UNC13B: variants seen among roughly 807,000 people sequenced by gnomAD.
The protein encoded by UNC13B is protein unc-13 homolog B.
A neutral mutation model predicts 211.0 loss-of-function variants in UNC13B; 144 were observed. That is an observed-to-expected ratio of 0.68 (90% CI 0.60 to 0.78). The LOEUF (loss-of-function observed/expected upper bound fraction) is 0.78, where lower values mean the gene tolerates loss of function less well. Ranked by LOEUF, UNC13B falls within the 30% of genes least tolerant of loss-of-function variation. The probability of loss-of-function intolerance (pLI) is 0.00; values close to 1 mark genes in which losing one functional copy is unlikely to be tolerated. For synonymous variants in UNC13B, 709 were observed against 725.8 expected (o/e 0.98, Z 0.37); for missense variants, 1,777 against 2,002.0 (o/e 0.89, Z 2.14).
In UNC13B at chr9:35,404,090, G is replaced by A; in HGVS notation, c.*57G>A. The A allele has an allele frequency of 6.3e-7, 1 of 1,575,474 alleles. No individual in the cohort carries two copies. Among genetic ancestry groups the A allele is most frequent in the East Asian group, 2.2e-5 (1 of 44,456 alleles). ...AGCAATTTCACAAATCAGGGCCAGT[G>A]GGAGTTAGCTGTGTAACCGGCTTAG... On this transcript the variant is annotated 3_prime_UTR_variant, in exon 40 of 40. Transcript: ENST00000635942.
At position 35,380,586 on chromosome 9, in the gene UNC13B, C is replaced by T. The variant is rs781082830; in HGVS notation, c.10322C>T (p.Thr3441Ile). ...GAGTCTGATGATTTCCTTGGCCAAACCATCATTGAGGTTCGGACCCTAAGT... is the reference window on the plus strand; with the variant it reads ...GAGTCTGATGATTTCCTTGGCCAAATCATCATTGAGGTTCGGACCCTAAGT... ...KRESDDFLGQ[T>I]IIEVRTLSGE... The change falls in exon 18 of 40, where the codon ACC (threonine) becomes ATC (isoleucine). Residue 3441 changes from threonine (T) to isoleucine (I), a missense_variant. By Grantham distance (89) the Thr-to-Ile change is moderately conservative. Coordinates refer to ENST00000635942, the MANE Select transcript of UNC13B (RefSeq NM_001371189.2). The T allele has an allele frequency of 6.2e-7, 1 of 1,614,166 alleles. No individual in the cohort carries two copies. The highest frequency in any genetic ancestry group is 8.5e-7 in the Non-Finnish European group (1 of 1,180,036).
chr9:35,354,297 C>T (rs1832894459), intron 11 of UNC13B, among the ~76,000 whole-genome samples: 1 of 152,142 alleles, frequency 6.6e-6, no homozygotes, highest in Admixed American at 6.5e-5. Context: ...GATAAGATTG[C>T]CATTTCCCCA....
At chr9:35,295,487 A>T (rs551164648) in intron 7 of UNC13B, among the ~76,000 whole-genome samples, 3 of 152,296 alleles carry the variant, frequency 2.0e-5, no homozygotes, top group Admixed American at 6.5e-5. Context: ...TAAACTAAGT[A>T]TATATCTCAT....
At chr9:35,242,697 A>G (rs1388594967) in intron 5 of UNC13B, among the ~76,000 whole-genome samples, 2 of 152,180 alleles carry the variant, frequency 1.3e-5, no homozygotes, top group Non-Finnish European at 2.9e-5. Context: ...ATTAGTGGAC[A>G]CTTGGGTTGC....
intron 1 of UNC13B, among the ~76,000 whole-genome samples, chr9:35,208,152 G>C (rs964459642): frequency 4.6e-5 from 7 of 152,140 alleles, no homozygotes; most frequent in African/African-American, 1.7e-4. Context: ...CCCCTTTCTG[G>C]AACGATACCT....
intron 11 of UNC13B, among the ~76,000 whole-genome samples, chr9:35,323,569 C>A (rs1587619912): frequency 6.6e-6 from 1 of 152,326 alleles, no homozygotes; most frequent in East Asian, 1.9e-4. Flanking sequence ...CCTCTGAATG[C>A]TGTGAGACAA....
intron 1 of UNC13B, among the ~76,000 whole-genome samples, chr9:35,164,589 A>G (rs1314364889): frequency 6.6e-6 from 1 of 152,206 alleles, no homozygotes; most frequent in Admixed American, 6.5e-5. Context: ...TATTGCCTGC[A>G]GGTTTAAGGC....
chr9:35,228,954 T>C (rs571448807), intron 2 of UNC13B, among the ~76,000 whole-genome samples: 22 of 152,266 alleles, frequency 1.4e-4, no homozygotes, highest in African/African-American at 5.1e-4. Flanking sequence ...AGAAGTAGAA[T>C]TGCTGGGTCA....
chr9:35,283,244 T>C (rs981107928), intron 7 of UNC13B, among the ~76,000 whole-genome samples: 9 of 152,214 alleles, frequency 5.9e-5, no homozygotes, highest in Admixed American at 1.3e-4. Context: ...GTATACCCAT[T>C]GTTCATAGGT....
rs950540925 is a variant in UNC13B, at chr9:35,377,664, C to T, written c.10032C>T (p.Thr3344=). ...TGAAGCAGAGTGTACTGGATGGCAC[C>T]TCCAAATGGTCAGCCAAGATCACCA... ...KTVKQSVLDG[T]SKWSAKITIT... Residue 3344 remains threonine (T), a synonymous_variant, in exon 16 of 40, where the codon ACC becomes ACT. Transcript: ENST00000635942. 1 of 1,614,156 alleles carries T rather than the reference C, an allele frequency of 6.2e-7. No individual in the cohort carries two copies. Among genetic ancestry groups the T allele is most frequent in the Non-Finnish European group, 8.5e-7 (1 of 1,180,030 alleles).
chr9:35,162,302 C>G lies in UNC13B; in HGVS notation c.19C>G (p.Arg7Gly). MSLLCV[R>G]VKRAKFQGSP... Reference sequence around the variant, plus strand: ...CTCGGCCATGTCACTGCTCTGCGTGCGCGGTGAGTGCGCGGACTGAGGCGG... The same window carrying G: ...CTCGGCCATGTCACTGCTCTGCGTGGGCGGTGAGTGCGCGGACTGAGGCGG... Residue 7 changes from arginine to glycine, a missense_variant, in exon 1 of 40, where the codon CGC becomes GGC. Arg to Gly is a moderately radical substitution (Grantham distance 125, BLOSUM62 -2). Coordinates refer to ENST00000635942, the MANE Select transcript of UNC13B (RefSeq NM_001371189.2). 1.3e-6 allele frequency: 2 copies of G among 1,543,270 alleles called. No individual in the cohort carries two copies. Among genetic ancestry groups the G allele is most frequent in the South Asian group, 1.2e-5 (1 of 84,330 alleles).
chr9:35,162,390 A>C, intron 1 of UNC13B, 85 bp downstream of exon 1: 3 of 1,440,604 alleles, frequency 2.1e-6, no homozygotes, highest in Non-Finnish European at 2.7e-6. Context: ...TGACCGTCTC[A>C]CCCAAACTTT....
rs35077779 is a variant in UNC13B at position 35,250,957 on chromosome 9, CTTTTTTTT to C, written c.468+7609_468+7616del. Among the ~76,000 whole-genome samples, 24 of 77,082 alleles carry C rather than the reference CTTTTTTTT, an allele frequency of 3.1e-4. No individual in the cohort carries two copies. The South Asian group carries it at 0.012, about 38-fold the overall frequency. The allele number at this position is 77,082 out of a possible 152,430, so 50.6% of individuals were successfully genotyped here. A position where few individuals can be genotyped will look rare whatever the true frequency, so the allele number is the denominator to read the frequency against. On this transcript the variant is annotated intron_variant, in intron 6 of 39. Coordinates refer to ENST00000635942, the MANE Select transcript of UNC13B (RefSeq NM_001371189.2). ...ATGAAAAAATGTAGAGTTACTCTTC[CTTTTTTTT>C]TTTTTTTTTTTTTTTGAGAAGGAAT... is the stretch of plus-strand genomic sequence containing the variant.
chr9:35,343,791 C>T (rs962104226), intron 11 of UNC13B, among the ~76,000 whole-genome samples: 1 of 151,860 alleles, frequency 6.6e-6, no homozygotes, highest in Non-Finnish European at 1.5e-5. Context: ...CCACATGTGA[C>T]TGCTGAGTAC....
chr9:35,351,636 G>A, intron 11 of UNC13B: 1 of 1,232,252 alleles, frequency 8.1e-7, no homozygotes, highest in Non-Finnish European at 1.0e-6. Context: ...GGCACCAAGA[G>A]CAAATCCTCT....
intron 7 of UNC13B, among the ~76,000 whole-genome samples, chr9:35,278,474 C>T (rs1828297610): frequency 2.0e-5 from 3 of 152,170 alleles, no homozygotes; most frequent in Non-Finnish European, 4.4e-5. Context: ...GATTGCATGA[C>T]CAGCTGGCCT....
rs538143848 is a variant in UNC13B, at chr9:35,206,530, A to G, written c.23-21485A>G. 4.5e-4 allele frequency among the ~76,000 whole-genome samples: 69 copies of G among 152,230 alleles called. 1 individual carries two copies. The South Asian group carries it at 0.014, about 31-fold the overall frequency. On this transcript the variant is annotated intron_variant, in intron 1 of 39. Transcript: ENST00000635942. ...TAGCATAATTTTTTAGGGTTCATCC[A>G]TATGGTGGTTTGTATCAGCATGTCA...
intron 6 of UNC13B, among the ~76,000 whole-genome samples, chr9:35,244,440 C>A (rs989091884): frequency 5.3e-5 from 8 of 152,158 alleles, no homozygotes; most frequent in African/African-American, 1.9e-4. Flanking sequence ...TGGCTTACAG[C>A]AACCAAAATT....
intron 2 of UNC13B, among the ~76,000 whole-genome samples, chr9:35,230,492 A>T (rs909443645): frequency 1.3e-5 from 2 of 150,870 alleles, no homozygotes; most frequent in African/African-American, 2.4e-5. Context: ...AAAAAAAAAA[A>T]GATTTCTTTT....
Sources: allele counts gnomAD v4.1 joint callset (sites outside exome capture counted in the v4.1 genomes callset), GRCh38; gene constraint gnomAD v4.1.1; transcripts MANE v1.5; gene names NCBI Gene and HGNC (gene_info 2026-07-23, HGNC 2026-07-21).